IFI16: variants seen among roughly 807,000 people sequenced by gnomAD.
IFI16 encodes the protein interferon gamma inducible protein 16.
In IFI16, 49 loss-of-function variants were observed where a neutral mutation model predicts 68.4. The observed-to-expected ratio is 0.72, with a 90% CI of 0.57 to 0.91. The LOEUF (loss-of-function observed/expected upper bound fraction) is 0.91. Ranked by LOEUF, IFI16 falls within the 40% of genes least tolerant of loss-of-function variation. The pLI is 0.00. For synonymous variants in IFI16, 307 were observed against 315.0 expected, an observed-to-expected ratio of 0.97 and a Z score of 0.27; for missense variants, 878 against 942.9, an observed-to-expected ratio of 0.93 and a Z score of 0.90.
intron 6 of IFI16, among the ~76,000 whole-genome samples, chr1:159,021,516 G>A (rs958536447): frequency 1.3e-5 from 2 of 152,172 alleles, no homozygotes; most frequent in Admixed American, 1.3e-4. Context: ...GGGCATCTGG[G>A]CTGGTTCCAT....
chr1:159,002,304 T>C (rs1652088800), upstream of IFI16, among the ~76,000 whole-genome samples: 1 of 152,086 alleles, frequency 6.6e-6, no homozygotes. Context: ...AATGATTCTC[T>C]GTTTAAAAAA....
chr1:159,008,479 G>A (rs936331052), upstream of IFI16, among the ~76,000 whole-genome samples: 3 of 152,144 alleles, frequency 2.0e-5, no homozygotes, highest in South Asian at 4.1e-4. Context: ...ATAGGTGACC[G>A]CAGTTTGTGT....
chr1:159,022,254 G>A (rs1302756056), intron 6 of IFI16, among the ~76,000 whole-genome samples: 1 of 152,266 alleles, frequency 6.6e-6, no homozygotes, highest in Non-Finnish European at 1.5e-5. Flanking sequence ...GTGAGCCACC[G>A]TGCCCGGCCC....
upstream of IFI16, among the ~76,000 whole-genome samples, chr1:159,001,999 A>G (rs957750342): frequency 6.6e-6 from 1 of 152,232 alleles, no homozygotes; most frequent in South Asian, 2.1e-4. Flanking sequence ...GTGCTTTCAC[A>G]TGAAGCCTGG....
chr1:159,008,308 A>G (rs766151610), upstream of IFI16, among the ~76,000 whole-genome samples: 23 of 152,172 alleles, frequency 1.5e-4, no homozygotes, highest in Admixed American at 5.9e-4. Flanking sequence ...GAATTTTTGT[A>G]TATTCTACTA....
At chr1:159,016,128 A>G in intron 3 of IFI16, 141 bp downstream of exon 3, 2 of 633,100 alleles carry the variant, frequency 3.2e-6, no homozygotes, top group East Asian at 2.7e-5. Context: ...ATGATAATTG[A>G]TCATCTTATT....
chr1:159,018,725 A>C, intron 5 of IFI16, 74 bp downstream of exon 5: 1 of 1,044,588 alleles, frequency 9.6e-7, no homozygotes, highest in Non-Finnish European at 1.4e-6. Context: ...TGTGAGATGA[A>C]GCTTTGCCTA....
At chr1:159,027,191 G>A (rs1653723495) in intron 6 of IFI16, among the ~76,000 whole-genome samples, 1 of 151,992 alleles carries the variant, frequency 6.6e-6, no homozygotes, top group African/African-American at 2.4e-5. Context: ...TTACCTTAAG[G>A]TATATCACTT....
At chr1:159,030,934 G>C (rs896294421) in intron 6 of IFI16, among the ~76,000 whole-genome samples, 3 of 152,014 alleles carry the variant, frequency 2.0e-5, no homozygotes, top group Non-Finnish European at 4.4e-5. Context: ...TACCAGGGCA[G>C]GTAGAGAAAG....
In IFI16 at chr1:159,017,475, A is replaced by T. The variant is rs943601421; in HGVS notation, c.550-754A>T. Among the ~76,000 whole-genome samples the T allele has an allele frequency of 1.8e-4, 27 of 148,290 alleles. 1 individual carries two copies. The East Asian group carries it at 2.8e-3, about 15-fold the overall frequency. On this transcript the variant is annotated intron_variant, in intron 4 of 11. Transcript: ENST00000295809. ...CATTTTTCATTTTTTTTTTATTTTT[A>T]TTTTTTTTTAGTATTTATTGATCAT... is the stretch of plus-strand genomic sequence containing the variant.
At chr1:159,022,032 C>T (rs1177673455) in intron 6 of IFI16, among the ~76,000 whole-genome samples, 2 of 145,776 alleles carry the variant, frequency 1.4e-5, no homozygotes, top group Non-Finnish European at 3.0e-5. Flanking sequence ...GGCGCTATCT[C>T]GGCTTACTGC....
At chr1:159,012,648 C>T (rs1652641310) in intron 1 of IFI16, among the ~76,000 whole-genome samples, 1 of 152,180 alleles carries the variant, frequency 6.6e-6, no homozygotes, top group African/African-American at 2.4e-5. Flanking sequence ...CAGAAGGGTG[C>T]TGCCTGCGTC....
intron 6 of IFI16, 149 bp from the exon 7 acceptor site, chr1:159,032,375 A>G (rs1654049468): frequency 4.5e-6 from 2 of 443,856 alleles, no homozygotes; most frequent in South Asian, 7.6e-5. Context: ...TATTCTGACA[A>G]TTGCCTGGAG....
chr1:159,000,193 C>T, exon 1 of IFI16: 2 of 237,552 alleles, frequency 8.4e-6, no homozygotes, highest in Non-Finnish European at 9.0e-6. Flanking sequence ...TTAGAGTATG[C>T]AGTTTGCCTG....
At chr1:159,024,576 T>A (rs2101845262) in intron 6 of IFI16, among the ~76,000 whole-genome samples, 1 of 152,330 alleles carries the variant, frequency 6.6e-6, no homozygotes, top group East Asian at 1.9e-4. Context: ...TGCCAGGCTG[T>A]AGGAGCAGAA....
At chr1:159,015,234 A>T (rs933128885) in intron 2 of IFI16, among the ~76,000 whole-genome samples, 3 of 152,226 alleles carry the variant, frequency 2.0e-5, no homozygotes, top group African/African-American at 4.8e-5. Flanking sequence ...AGATTATATA[A>T]TAATAAAATC....
chr1:159,031,828 A>C (rs189662672), intron 6 of IFI16, among the ~76,000 whole-genome samples: 99 of 152,268 alleles, frequency 6.5e-4, no homozygotes, highest in African/African-American at 2.3e-3. Context: ...AGGATATAAA[A>C]CTCGTGGTAA....
intron 2 of IFI16, 68 bp downstream of exon 2, chr1:159,015,013 C>T: frequency 7.2e-7 from 1 of 1,387,766 alleles, no homozygotes; most frequent in Non-Finnish European, 9.8e-7. Flanking sequence ...TTGATTAGAG[C>T]CCCACCTCGG....
intron 7 of IFI16, among the ~76,000 whole-genome samples, chr1:159,040,790 A>T (rs543967539): frequency 6.6e-6 from 1 of 152,356 alleles, no homozygotes; most frequent in South Asian, 2.1e-4. Flanking sequence ...TATGTATATT[A>T]TGTAACTTAT....
Sources: gnomAD v4.1 joint callset for allele counts (sites outside exome capture counted in the v4.1 genomes callset) on GRCh38, gnomAD v4.1.1 for gene constraint, MANE v1.5 for transcripts, NCBI Gene and HGNC (gene_info 2026-07-23, HGNC 2026-07-21) for gene names.